The following KCNK1 variants were observed in gnomAD, a reference collection of about 807,000 sequenced individuals.
The protein encoded by KCNK1 is potassium two pore domain channel subfamily K member 1.
Under a neutral mutation model 22.2 loss-of-function variants are expected in KCNK1, and 10 were observed. The ratio of observed to expected loss-of-function variants is 0.45; its 90% confidence interval spans 0.28 to 0.76. The LOEUF (loss-of-function observed/expected upper bound fraction) is 0.76. KCNK1 is among the 30% of genes least tolerant of loss of function. The probability of loss-of-function intolerance (pLI) is 0.14; values close to 1 mark genes in which losing one functional copy is unlikely to be tolerated. For synonymous variants in KCNK1, 200 were observed against 186.4 expected (o/e 1.07, Z -0.60); for missense variants, 378 against 421.0 (o/e 0.90, Z 0.89).
intron 1 of KCNK1, among the ~76,000 whole-genome samples, chr1:233,617,938 A>G (rs189718607): frequency 2.5e-3 from 379 of 151,664 alleles, no homozygotes; most frequent in African/African-American, 8.3e-3. Flanking sequence ...TTGGAGGGGG[A>G]AAAAAAAAGA....
In KCNK1 at chr1:233,671,425, C is replaced by T; in HGVS notation, c.906C>T (p.Ser302=). The T allele has an allele frequency of 6.2e-7, 1 of 1,614,160 alleles. No individual in the cohort carries two copies. The highest frequency in any genetic ancestry group is 1.1e-5 in the South Asian group (1 of 91,080). Residue 302 remains serine, a synonymous_variant, in exon 3 of 3, where the codon TCC becomes TCT. Transcript: ENST00000366621. ...HIIEHDQLSF[S]SITDQAAGMK... is the part of the protein sequence containing the mutation. ...TAGAGCATGACCAACTGTCCTTCTC[C>T]TCGATCACAGACCAGGCAGCTGGCA...
intron 1 of KCNK1, among the ~76,000 whole-genome samples, chr1:233,622,215 A>G (rs1251193603): frequency 6.6e-6 from 1 of 152,196 alleles, no homozygotes; most frequent in Non-Finnish European, 1.5e-5. Context: ...TGACCCATAA[A>G]AATGGCAATT....
At chr1:233,645,021 C>T (rs372265585) in intron 1 of KCNK1, among the ~76,000 whole-genome samples, 1 of 151,962 alleles carries the variant, frequency 6.6e-6, no homozygotes, top group Admixed American at 6.5e-5. Flanking sequence ...GGTGAAACCC[C>T]ATCTCTACTA....
At position 233,652,741 on chromosome 1, in the gene KCNK1, T is replaced by G. The variant is rs556824175; in HGVS notation, c.356-13854T>G. Among the ~76,000 whole-genome samples, 3 of 152,340 alleles carry G rather than the reference T, an allele frequency of 2.0e-5. No individual in the cohort carries two copies. The East Asian group carries it at 5.8e-4, about 29-fold the overall frequency. ...TTCAAGCACGTCTCCCCTGTAACTA[T>G]CCAGTACACTGGATGCTTCCTGGTT... On this transcript the variant is annotated intron_variant, in intron 1 of 2. Transcript: ENST00000366621.
chr1:233,643,807 C>G (rs1038718484), intron 1 of KCNK1, among the ~76,000 whole-genome samples: 4 of 152,212 alleles, frequency 2.6e-5, no homozygotes, highest in Non-Finnish European at 5.9e-5. Context: ...CGACCCCAAA[C>G]CCAGCCTCCT....
intron 1 of KCNK1, among the ~76,000 whole-genome samples, chr1:233,657,662 G>A (rs138693639): frequency 2.7e-5 from 4 of 148,586 alleles, no homozygotes; most frequent in South Asian, 2.2e-4. Context: ...AAGGAAAGAC[G>A]AAAGAAAAGA....
intron 1 of KCNK1, among the ~76,000 whole-genome samples, chr1:233,628,418 A>G (rs959648024): frequency 3.9e-5 from 6 of 152,158 alleles, no homozygotes; most frequent in African/African-American, 1.4e-4. Context: ...CCCAAGTAAC[A>G]CACCTGCACA....
chr1:233,627,195 A>G (rs1657703780), intron 1 of KCNK1, among the ~76,000 whole-genome samples: 2 of 152,228 alleles, frequency 1.3e-5, no homozygotes, highest in South Asian at 4.1e-4. Flanking sequence ...TGAGTATAAC[A>G]GGGCTGGCTC....
chr1:233,628,235 A>G (rs1657723660), intron 1 of KCNK1, among the ~76,000 whole-genome samples: 1 of 152,200 alleles, frequency 6.6e-6, no homozygotes, highest in Non-Finnish European at 1.5e-5. Context: ...ATCAGGCTGA[A>G]TGAATACTAT....
chr1:233,624,732 A>G (rs1657654851), intron 1 of KCNK1, among the ~76,000 whole-genome samples: 1 of 152,220 alleles, frequency 6.6e-6, no homozygotes, highest in Admixed American at 6.5e-5. Flanking sequence ...CTATTCATAT[A>G]AAAACAATGA....
intron 2 of KCNK1, among the ~76,000 whole-genome samples, chr1:233,668,099 G>A (rs561668018): frequency 2.0e-5 from 3 of 152,282 alleles, no homozygotes; most frequent in Non-Finnish European, 4.4e-5. Context: ...TCAAGAAACT[G>A]TTCATTTCTG....
chr1:233,655,799 A>T (rs1658281313), intron 1 of KCNK1: 2 of 152,864 alleles, frequency 1.3e-5, no homozygotes, highest in Middle Eastern at 6.8e-3. Context: ...AGCCACTAAA[A>T]CTGTGAGAAA....
Position 233,666,911 on chromosome 1 carries a change from C to T in KCNK1, c.672C>T (p.Ser224=). ...ESFYFCFISL[S]TIGLGDYVPG... ...TTTATTTTTGTTTTATTTCCCTGAG[C>T]ACCATTGGCCTGGGGGATTATGTGC... The change falls in exon 2 of 3, where the codon AGC becomes AGT. Residue 224 remains serine (S), a synonymous_variant. Transcript: ENST00000366621. 6.2e-7 allele frequency: 1 copy of T among 1,614,066 alleles called. No individual in the cohort carries two copies.
At chr1:233,641,534 T>A (rs1304231660) in intron 1 of KCNK1, among the ~76,000 whole-genome samples, 1 of 152,236 alleles carries the variant, frequency 6.6e-6, no homozygotes, top group Admixed American at 6.5e-5. Flanking sequence ...GTAAATGTTC[T>A]CACACTGTAA....
At chr1:233,661,705 A>G (rs554586785) in intron 1 of KCNK1, among the ~76,000 whole-genome samples, 14 of 152,352 alleles carry the variant, frequency 9.2e-5, no homozygotes, top group African/African-American at 3.4e-4. Flanking sequence ...GAAGATGTAC[A>G]TTCCTTGTTG....
intron 1 of KCNK1, 30 bp from the exon 2 acceptor site, chr1:233,666,565 T>C: frequency 1.3e-6 from 2 of 1,563,744 alleles, no homozygotes; most frequent in Non-Finnish European, 1.7e-6. Flanking sequence ...TCTCTTCCTC[T>C]TCGCCTCAGT....
At chr1:233,667,729 CA>C (rs71170433) in intron 2 of KCNK1, among the ~76,000 whole-genome samples, 4,973 of 85,894 alleles carry the variant, frequency 0.058, 59 homozygotes, top group African/African-American at 0.13. Flanking sequence ...GACTCCGTCT[CA>C]AAAAAAAAAA....
At chr1:233,620,820 A>G (rs2102881637) in intron 1 of KCNK1, among the ~76,000 whole-genome samples, 1 of 116,174 alleles carries the variant, frequency 8.6e-6, no homozygotes, top group South Asian at 2.4e-4. Context: ...TTATAAAAAG[A>G]TAAATAGTTA....
At chr1:233,643,492 A>G (rs567084099) in intron 1 of KCNK1, among the ~76,000 whole-genome samples, 8 of 152,290 alleles carry the variant, frequency 5.3e-5, no homozygotes, top group African/African-American at 1.9e-4. Flanking sequence ...CCCTATGGTC[A>G]GTTCTCTTTA....
Sources: allele counts gnomAD v4.1 joint callset (sites outside exome capture counted in the v4.1 genomes callset), GRCh38; gene constraint gnomAD v4.1.1; transcripts MANE v1.5; gene names NCBI Gene and HGNC (gene_info 2026-07-23, HGNC 2026-07-21).